SERGEF: variants seen among roughly 807,000 people sequenced by gnomAD.
SERGEF encodes secretion regulating guanine nucleotide exchange factor.
SERGEF carries 51 observed loss-of-function variants against 50.0 expected under a neutral mutation model. The observed-to-expected ratio is 1.02, with a 90% CI of 0.81 to 1.29. The LOEUF (loss-of-function observed/expected upper bound fraction) is 1.29. SERGEF is among the 50% of genes most tolerant of loss of function. The pLI, the probability that SERGEF is intolerant of heterozygous loss-of-function variation, is 0.00. For missense variants in SERGEF, 521 were observed against 557.0 expected (o/e 0.94, Z 0.65); for synonymous variants, 205 against 212.4 (o/e 0.97, Z 0.30).
At chr11:17,916,836 A>G (rs1057422254) in intron 9 of SERGEF, among the ~76,000 whole-genome samples, 7 of 152,160 alleles carry the variant, frequency 4.6e-5, no homozygotes, top group Non-Finnish European at 8.8e-5. Context: ...TTTCTTATTA[A>G]CTTCATCCCT....
At chr11:17,982,212 A>C (rs1853508968) in intron 8 of SERGEF, among the ~76,000 whole-genome samples, 1 of 152,176 alleles carries the variant, frequency 6.6e-6, no homozygotes, top group Non-Finnish European at 1.5e-5. Flanking sequence ...AGAATGTAAC[A>C]AGGCAGAAAG....
chr11:17,868,034 A>G (rs1851064924), intron 10 of SERGEF, among the ~76,000 whole-genome samples: 1 of 152,188 alleles, frequency 6.6e-6, no homozygotes, highest in Non-Finnish European at 1.5e-5. Context: ...GACCCCTGAC[A>G]TGCCCTGGAG....
intron 8 of SERGEF, among the ~76,000 whole-genome samples, chr11:17,963,232 G>A (rs1415222140): frequency 2.0e-5 from 3 of 148,280 alleles, no homozygotes; most frequent in Non-Finnish European, 3.0e-5. Flanking sequence ...AGTGAATAAG[G>A]GTCACAAGAG....
At chr11:17,929,024 A>C (rs188843897) in intron 9 of SERGEF, among the ~76,000 whole-genome samples, 36 of 152,328 alleles carry the variant, frequency 2.4e-4, no homozygotes, top group African/African-American at 7.9e-4. Flanking sequence ...AATCTATAGA[A>C]TTCTATTTCT....
chr11:17,994,521 G>C (rs1853793744), intron 6 of SERGEF, among the ~76,000 whole-genome samples: 1 of 151,080 alleles, frequency 6.6e-6, no homozygotes, highest in Non-Finnish European at 1.5e-5. Context: ...TTTCCCAGAG[G>C]GAACACAAAG....
intron 6 of SERGEF, among the ~76,000 whole-genome samples, chr11:17,995,219 C>T (rs1853811917): frequency 6.6e-6 from 1 of 152,156 alleles, no homozygotes; most frequent in Non-Finnish European, 1.5e-5. Context: ...CTCGTATTTT[C>T]GCGTAGAGAG....
intron 8 of SERGEF, among the ~76,000 whole-genome samples, chr11:17,959,947 A>G (rs1330279362): frequency 1.3e-5 from 2 of 152,214 alleles, no homozygotes; most frequent in African/African-American, 4.8e-5. Context: ...ATATACTTCA[A>G]CCATGCTTTA....
At chr11:17,811,464 A>AC (rs1447113348) in intron 10 of SERGEF, among the ~76,000 whole-genome samples, 1 of 152,252 alleles carries the variant, frequency 6.6e-6, no homozygotes, top group Non-Finnish European at 1.5e-5. Context: ...CTAAGAAGCC[A>AC]CTTGCTTGTC....
intron 9 of SERGEF, 95 bp downstream of exon 9, chr11:17,959,375 T>A: frequency 8.8e-7 from 1 of 1,130,350 alleles, no homozygotes; most frequent in South Asian, 1.5e-5. Flanking sequence ...ATGGTACCTA[T>A]CCATAACGCC....
rs377044769 is a variant in SERGEF, at chr11:17,788,401, T to C, written c.1061A>G (p.Tyr354Cys). 6.2e-7 allele frequency: 1 copy of C among 1,605,826 alleles called. No homozygotes were observed. The highest frequency in any genetic ancestry group is 8.5e-7 in the Non-Finnish European group (1 of 1,173,898). The change falls in exon 11 of 11, where the codon TAC (tyrosine) becomes TGC (cysteine). Residue 354 changes from tyrosine (Y) to cysteine (C), a missense_variant. Tyr to Cys is a radical substitution (Grantham distance 194). Transcript: ENST00000265965. The part of the protein sequence containing the change: ...HNLAIIGGVC[Y>C]SWGWNEHGMC... ...GCCATGCTCATTCCAGCCCCAAGAG[T>C]AACACACTCCACCTGTGAAGGAGAG...
intron 10 of SERGEF, among the ~76,000 whole-genome samples, chr11:17,872,066 A>G (rs1453523328): frequency 6.6e-6 from 1 of 152,250 alleles, no homozygotes; most frequent in African/African-American, 2.4e-5. Flanking sequence ...GTAGAATATT[A>G]CCAAGCATTA....
intron 10 of SERGEF, among the ~76,000 whole-genome samples, chr11:17,795,513 T>G (rs2133821029): frequency 6.6e-6 from 1 of 152,260 alleles, no homozygotes; most frequent in South Asian, 2.1e-4. Flanking sequence ...GAAAATTTCC[T>G]GTCTCCACAG....
rs1029972734 is a variant in SERGEF at position 17,884,361 on chromosome 11, C to G, written c.1012-6117G>C. Among the ~76,000 whole-genome samples the G allele has an allele frequency of 2.0e-5, 3 of 152,148 alleles. No homozygotes were observed. The highest frequency in any genetic ancestry group is 7.2e-5 in the African/African-American group (3 of 41,520). Reference sequence around the variant, plus strand: ...CCAGAAGCAGCTCCAGAATGGCAGCCCCAGCTGGCTGGGCAGCCTGCGCCG... The same window carrying G: ...CCAGAAGCAGCTCCAGAATGGCAGCGCCAGCTGGCTGGGCAGCCTGCGCCG... On this transcript the variant is annotated intron_variant, in intron 9 of 10. Transcript: ENST00000265965. The surrounding 1 kb of genome is among the most constrained non-coding windows in gnomAD (Gnocchi z 4.6).
At chr11:17,887,750 T>A (rs553258324) in intron 9 of SERGEF, among the ~76,000 whole-genome samples, 6 of 152,370 alleles carry the variant, frequency 3.9e-5, no homozygotes, top group African/African-American at 1.4e-4. Context: ...AGCATGTTCA[T>A]AGCAGTTTTA....
At chr11:17,798,735 C>A (rs1021544846) in intron 10 of SERGEF, among the ~76,000 whole-genome samples, 5 of 152,214 alleles carry the variant, frequency 3.3e-5, no homozygotes, top group Non-Finnish European at 4.4e-5. Flanking sequence ...GGCTGCCTTG[C>A]GAGAGGGGGC....
intron 10 of SERGEF, among the ~76,000 whole-genome samples, chr11:17,817,049 C>G (rs1849986869): frequency 6.6e-6 from 1 of 152,192 alleles, no homozygotes; most frequent in Non-Finnish European, 1.5e-5. Context: ...CTCCTCTCCT[C>G]TGCTGCTGGT....
chr11:17,868,484 C>A (rs1181810047), intron 10 of SERGEF, among the ~76,000 whole-genome samples: 6 of 152,144 alleles, frequency 3.9e-5, no homozygotes, highest in Non-Finnish European at 1.5e-5. Context: ...CAACAAGTCT[C>A]TAGGGGGCTC....
intron 9 of SERGEF, among the ~76,000 whole-genome samples, chr11:17,923,951 C>T (rs1341485318): frequency 2.0e-5 from 3 of 152,178 alleles, no homozygotes; most frequent in Non-Finnish European, 2.9e-5. Flanking sequence ...TGGTACAATT[C>T]CCAGGCCTAC....
At chr11:17,896,353 C>T (rs976560656) in intron 9 of SERGEF, among the ~76,000 whole-genome samples, 1 of 151,886 alleles carries the variant, frequency 6.6e-6, no homozygotes, top group East Asian at 1.9e-4. Context: ...AGTATACGTA[C>T]ATAAGGAAAC....
Sources: gnomAD v4.1 joint callset for allele counts (sites outside exome capture counted in the v4.1 genomes callset) on GRCh38, gnomAD v4.1.1 for gene constraint, Gnocchi (gnomAD v3.1) non-coding constraint, MANE v1.5 for transcripts, NCBI Gene and HGNC (gene_info 2026-07-23, HGNC 2026-07-21) for gene names.